Variants in RBFOX1 observed in about 807,000 individuals in gnomAD.
RBFOX1 encodes the protein RNA binding fox-1 homolog 1.
RBFOX1 carries 8 observed loss-of-function variants against 57.7 expected under a neutral mutation model. The observed-to-expected ratio is 0.14, with a 90% CI of 0.08 to 0.25. The LOEUF (loss-of-function observed/expected upper bound fraction) is 0.25, where lower values mean the gene tolerates loss of function less well. RBFOX1 is among the 10% of genes least tolerant of loss of function. The probability of loss-of-function intolerance (pLI) is 1.00; values close to 1 mark genes in which losing one functional copy is unlikely to be tolerated. For synonymous variants in RBFOX1, 326 were observed against 222.4 expected, an observed-to-expected ratio of 1.47 and a Z score of -4.15; for missense variants, 611 against 548.5, an observed-to-expected ratio of 1.11 and a Z score of -1.14.
At chr16:6,319,420 A>G (rs2081496492) in intron 2 of RBFOX1, among the ~76,000 whole-genome samples, 1 of 152,168 alleles carries the variant, frequency 6.6e-6, no homozygotes, top group African/African-American at 2.4e-5. Flanking sequence ...TTGGTAGACC[A>G]TGAGTACTTG....
intron 3 of RBFOX1, among the ~76,000 whole-genome samples, chr16:6,738,550 C>G (rs770484243): frequency 1.3e-5 from 2 of 152,146 alleles, no homozygotes; most frequent in African/African-American, 4.8e-5. Context: ...TTGTAAACCT[C>G]AACATCCATC....
chr16:7,139,221 T>C (rs2152082490), intron 4 of RBFOX1, among the ~76,000 whole-genome samples: 2 of 152,138 alleles, frequency 1.3e-5, no homozygotes, highest in Middle Eastern at 6.8e-3. Flanking sequence ...TGTGTGTGTG[T>C]GTGTCTGCTC....
At chr16:5,920,096 G>C (rs1217286460) in intron 4 of RBFOX1, among the ~76,000 whole-genome samples, 1 of 152,142 alleles carries the variant, frequency 6.6e-6, no homozygotes, top group Admixed American at 6.5e-5. Flanking sequence ...ACCACACCCA[G>C]CTAATTTTTT....
chr16:6,994,313 G>A (rs1233531472), intron 3 of RBFOX1, among the ~76,000 whole-genome samples: 1 of 152,158 alleles, frequency 6.6e-6, no homozygotes. Context: ...TAAATGCAGG[G>A]TTGGATGTAA....
At chr16:6,446,896 C>G (rs559072304) in intron 2 of RBFOX1, among the ~76,000 whole-genome samples, 2 of 152,198 alleles carry the variant, frequency 1.3e-5, no homozygotes, top group South Asian at 4.2e-4. Context: ...TTGGATTTCC[C>G]AAACCATTGC....
chr16:7,004,266 A>G (rs911951140), intron 3 of RBFOX1, among the ~76,000 whole-genome samples: 2 of 152,180 alleles, frequency 1.3e-5, no homozygotes, highest in African/African-American at 4.8e-5. Flanking sequence ...CATAAGAACA[A>G]CGCATTATAT....
chr16:5,454,902 C>G lies in RBFOX1; in HGVS notation c.220-12314C>G, dbSNP rs189141601. 9.9e-3 allele frequency among the ~76,000 whole-genome samples: 656 copies of G among 66,534 alleles called. 9 individuals are homozygous for G. The highest frequency in any genetic ancestry group is 0.015 in the Non-Finnish European group (451 of 30,018). The allele number at this position is 66,534 out of a possible 152,430, so 43.6% of individuals were successfully genotyped here. On this transcript the variant is annotated intron_variant, in intron 1 of 2. Transcript: ENST00000585867. ...TCTTTCTTTCTTTCTTTCTTTCTTT[C>G]TTTCTTTCTTTCCTTTGTTTCTTTC... is the stretch of plus-strand genomic sequence containing the variant.
At chr16:5,626,207 A>G (rs1383204088) in intron 3 of RBFOX1, among the ~76,000 whole-genome samples, 1 of 152,142 alleles carries the variant, frequency 6.6e-6, no homozygotes, top group African/African-American at 2.4e-5. Context: ...CCTCCAACTT[A>G]TCCTCTGGAG....
intron 3 of RBFOX1, among the ~76,000 whole-genome samples, chr16:6,691,646 C>T (rs759688839): frequency 4.6e-5 from 7 of 152,156 alleles, no homozygotes; most frequent in East Asian, 1.9e-4. Flanking sequence ...GGCTTACAAA[C>T]GTAAAATGAC....
At chr16:6,416,296 C>A (rs1022101221) in intron 2 of RBFOX1, among the ~76,000 whole-genome samples, 1 of 152,152 alleles carries the variant, frequency 6.6e-6, no homozygotes, top group Admixed American at 6.5e-5. Context: ...TTTTATTAAG[C>A]CGGTAAAATC....
At chr16:7,177,871 A>T (rs924651202) in intron 4 of RBFOX1, among the ~76,000 whole-genome samples, 1 of 152,170 alleles carries the variant, frequency 6.6e-6, no homozygotes, top group Non-Finnish European at 1.5e-5. Context: ...AGCAGACAGG[A>T]TTTGGCCTGT....
At chr16:6,575,888 A>T (rs1052350974) in intron 2 of RBFOX1, among the ~76,000 whole-genome samples, 12 of 151,440 alleles carry the variant, frequency 7.9e-5, no homozygotes, top group East Asian at 5.8e-4. Flanking sequence ...TAAATAAATA[A>T]ATAAATAAAG....
At chr16:5,459,450 A>G (rs2068725130) in intron 1 of RBFOX1, among the ~76,000 whole-genome samples, 1 of 152,100 alleles carries the variant, frequency 6.6e-6, no homozygotes, top group African/African-American at 2.4e-5. Flanking sequence ...AGGTCCCCAG[A>G]TCCATGCTTC....
intron 2 of RBFOX1, among the ~76,000 whole-genome samples, chr16:5,525,891 A>C (rs2044225609): frequency 6.6e-6 from 1 of 152,170 alleles, no homozygotes; most frequent in African/African-American, 2.4e-5. Context: ...AATTTATAGT[A>C]ATATAAAAAC....
intron 3 of RBFOX1, among the ~76,000 whole-genome samples, chr16:6,821,772 T>C (rs866964405): frequency 6.6e-6 from 1 of 152,202 alleles, no homozygotes; most frequent in African/African-American, 2.4e-5. Flanking sequence ...AATTTTTTCA[T>C]TGATAGACAT....
At chr16:5,936,352 G>C (rs529445218) in intron 4 of RBFOX1, among the ~76,000 whole-genome samples, 2 of 152,180 alleles carry the variant, frequency 1.3e-5, no homozygotes, top group Non-Finnish European at 2.9e-5. Context: ...TCAAATGCCT[G>C]ACCTCAAGTG....
chr16:6,441,711 T>G (rs574866826), intron 2 of RBFOX1, among the ~76,000 whole-genome samples: 2 of 152,246 alleles, frequency 1.3e-5, no homozygotes, highest in African/African-American at 4.8e-5. Context: ...AGCCACCTCG[T>G]GCAGTCAGCT....
At chr16:6,483,331 T>C in intron 2 of RBFOX1, 3 of 1,469,246 alleles carry the variant, frequency 2.0e-6, no homozygotes, top group South Asian at 1.4e-5. Flanking sequence ...GTTCTGCACC[T>C]GCTGGCGGTC....
chr16:5,925,968 T>C (rs10852671), intron 4 of RBFOX1, among the ~76,000 whole-genome samples: 151,992 of 152,312 alleles, frequency 1, 75,838 homozygotes, highest in Middle Eastern at 1. Context: ...ACCTTTCCTA[T>C]TGTCTATTGT....
Sources: gnomAD v4.1 joint callset for allele counts (sites outside exome capture counted in the v4.1 genomes callset) on GRCh38, gnomAD v4.1.1 for gene constraint, MANE v1.5 for transcripts, NCBI Gene and HGNC (gene_info 2026-07-23, HGNC 2026-07-21) for gene names.